NOL4: variants seen among roughly 807,000 people sequenced by gnomAD.
NOL4 encodes the protein nucleolar protein 4.
NOL4 carries 17 observed loss-of-function variants against 75.9 expected under a neutral mutation model. That is an observed-to-expected ratio of 0.22 (90% confidence interval 0.15 to 0.34). The LOEUF (loss-of-function observed/expected upper bound fraction) is 0.34. NOL4 is among the 10% of genes least tolerant of loss of function. The pLI, the probability that NOL4 is intolerant of heterozygous loss-of-function variation, is 1.00. For synonymous variants in NOL4, 292 were observed against 289.9 expected, an observed-to-expected ratio of 1.01 and a Z score of -0.07; for missense variants, 614 against 793.5, an observed-to-expected ratio of 0.77 and a Z score of 2.72.
intron 5 of NOL4, among the ~76,000 whole-genome samples, chr18:34,046,620 A>G (rs1237071514): frequency 7.5e-6 from 1 of 133,678 alleles, no homozygotes; most frequent in African/African-American, 2.7e-5. Context: ...ATATATATAT[A>G]TATATATATA....
intron 1 of NOL4, among the ~76,000 whole-genome samples, chr18:34,211,446 A>G (rs1409533276): frequency 7.2e-5 from 11 of 152,322 alleles, no homozygotes; most frequent in East Asian, 1.9e-4. Context: ...TCAATTGGGT[A>G]GAGCATGGCG....
chr18:33,859,476 GT>G (rs542716654), intron 10 of NOL4, among the ~76,000 whole-genome samples: 1 of 151,852 alleles, frequency 6.6e-6, no homozygotes, highest in African/African-American at 2.4e-5. Flanking sequence ...TTTTTTGTTT[GT>G]TTTTTGTTTT....
chr18:34,118,686 A>C (rs1292472675), intron 2 of NOL4, among the ~76,000 whole-genome samples: 1 of 152,202 alleles, frequency 6.6e-6, no homozygotes, highest in Admixed American at 6.5e-5. Flanking sequence ...GCCCAAGTGG[A>C]ATATAATGTG....
intron 9 of NOL4, among the ~76,000 whole-genome samples, chr18:33,914,618 T>G (rs984402191): frequency 6.6e-6 from 1 of 152,016 alleles, no homozygotes; most frequent in South Asian, 2.1e-4. Context: ...GATGGTGAGT[T>G]GGAAAAGGAC....
At chr18:34,138,542 T>C (rs1003901923) in intron 1 of NOL4, among the ~76,000 whole-genome samples, 1 of 152,150 alleles carries the variant, frequency 6.6e-6, no homozygotes, top group Non-Finnish European at 1.5e-5. Context: ...AGGATGGTGG[T>C]TCTACAACGT....
intron 5 of NOL4, among the ~76,000 whole-genome samples, chr18:34,059,378 C>T (rs1283377330): frequency 6.6e-6 from 1 of 151,946 alleles, no homozygotes; most frequent in African/African-American, 2.4e-5. Flanking sequence ...ATGCCATGTC[C>T]TGTATATGTC....
At position 33,888,006 on chromosome 18, in the gene NOL4, C is replaced by T. The variant is rs536326788; in HGVS notation, c.1543-4582G>A. ...TGAGGAATCGCCACACTGTCTTCCA[C>T]AATGGTTGAACTAGTTTACAGTCCC... On this transcript the variant is annotated intron_variant, in intron 9 of 10. Coordinates refer to ENST00000261592, the MANE Select transcript of NOL4 (RefSeq NM_003787.5). Among the ~76,000 whole-genome samples the T allele has an allele frequency of 2.6e-5, 4 of 152,292 alleles. No homozygotes were observed. In the South Asian group the frequency reaches 6.2e-4, roughly 24 times the overall value.
chr18:34,020,849 A>G (rs919999873), intron 5 of NOL4, among the ~76,000 whole-genome samples: 2 of 152,202 alleles, frequency 1.3e-5, no homozygotes, highest in Non-Finnish European at 2.9e-5. Context: ...ACTGATTTTT[A>G]AAAATTATGA....
chr18:33,911,374 C>G (rs2066392091), intron 9 of NOL4, among the ~76,000 whole-genome samples: 1 of 152,030 alleles, frequency 6.6e-6, no homozygotes, highest in African/African-American at 2.4e-5. Context: ...CTCTCATTAG[C>G]CAGATGCTCA....
At chr18:34,120,706 T>C (rs1487309982) in intron 2 of NOL4, among the ~76,000 whole-genome samples, 1 of 151,932 alleles carries the variant, frequency 6.6e-6, no homozygotes, top group Non-Finnish European at 1.5e-5. Flanking sequence ...GCTACAGAGG[T>C]AGGAAGTCAG....
chr18:33,853,050 A>AT lies in NOL4; in HGVS notation c.1724-16dup. 1 of 1,576,550 alleles carries AT rather than the reference A, an allele frequency of 6.3e-7. No homozygotes were observed. The highest frequency in any genetic ancestry group is 8.6e-7 in the Non-Finnish European group (1 of 1,161,342). On this transcript the variant is annotated splice_polypyrimidine_tract_variant and intron_variant, in intron 10 of 10. Transcript: ENST00000261592. ...ATCAGTGGGTCCTAGAAAGAAAATC[A>AT]TCACAAAATTAGACATAAATATTAT...
chr18:33,965,332 A>G (rs1019131704), intron 6 of NOL4, among the ~76,000 whole-genome samples: 1 of 152,078 alleles, frequency 6.6e-6, no homozygotes, highest in African/African-American at 2.4e-5. Flanking sequence ...AAACCAACCA[A>G]AAACCAAAAA....
At chr18:34,097,485 G>A (rs1035781164) in intron 4 of NOL4, among the ~76,000 whole-genome samples, 5 of 152,100 alleles carry the variant, frequency 3.3e-5, no homozygotes, top group Non-Finnish European at 5.9e-5. Context: ...CTGGCTATCT[G>A]CCCAGTCCAG....
rs371981909 is a variant in NOL4, at chr18:34,023,483, T to C, written c.773-3882A>G. The C allele has an allele frequency of 8.1e-5, 37 of 456,204 alleles. No individual in the cohort carries two copies. In the Middle Eastern group the frequency reaches 9.8e-4, roughly 12 times the overall value. The allele number at this position is 456,204 out of a possible 1,614,324, so 28.3% of individuals were successfully genotyped here. On this transcript the variant is annotated intron_variant, in intron 5 of 10. Transcript: ENST00000261592. Reference sequence around the variant, plus strand: ...TCCTGAGTAGCTGCTACACAGAAGGTGCAGTATTTAGGTCTGTGGGTATGG... The same window carrying C: ...TCCTGAGTAGCTGCTACACAGAAGGCGCAGTATTTAGGTCTGTGGGTATGG...
rs142139223 is a variant in NOL4 at position 34,059,465 on chromosome 18, T to A, written c.772+34000A>T. Among the ~76,000 whole-genome samples, 372 of 152,158 alleles carry A rather than the reference T, an allele frequency of 2.4e-3. 4 individuals are homozygous for A. The highest frequency in any genetic ancestry group is 7.6e-3 in the African/African-American group (317 of 41,506). On this transcript the variant is annotated intron_variant, in intron 5 of 10. Coordinates refer to ENST00000261592, the MANE Select transcript of NOL4 (RefSeq NM_003787.5). Reference sequence around the variant, plus strand: ...CTGATTTTTTTTCTTAATGTCTAGCTCAGCATCCTTTTGCTCTTGGAAGCC... The same window carrying A: ...CTGATTTTTTTTCTTAATGTCTAGCACAGCATCCTTTTGCTCTTGGAAGCC...
chr18:34,141,268 T>G lies in NOL4; in HGVS notation c.265-11248A>C, dbSNP rs535182745. 2.0e-5 allele frequency among the ~76,000 whole-genome samples: 3 copies of G among 152,176 alleles called. No individual in the cohort carries two copies. The East Asian group carries it at 5.8e-4, about 29-fold the overall frequency. ...AAATGGCCATACTGCCCAAGGTAAT[T>G]TATAGATTCAATGCCATCCCCATCA... On this transcript the variant is annotated intron_variant, in intron 1 of 10. Coordinates refer to ENST00000261592, the MANE Select transcript of NOL4 (RefSeq NM_003787.5).
intron 1 of NOL4, among the ~76,000 whole-genome samples, chr18:34,184,070 T>C (rs1385017405): frequency 6.6e-6 from 1 of 151,550 alleles, no homozygotes; most frequent in Non-Finnish European, 1.5e-5. Context: ...ATGAACCCCA[T>C]CCCAAAGCAT....
chr18:33,996,676 T>C (rs866702671), intron 6 of NOL4, among the ~76,000 whole-genome samples: 1 of 151,884 alleles, frequency 6.6e-6, no homozygotes, highest in African/African-American at 2.4e-5. Context: ...CTTCTGTTTT[T>C]GTATTAATTT....
intron 1 of NOL4, among the ~76,000 whole-genome samples, chr18:34,174,346 T>G (rs779802721): frequency 1.6e-4 from 25 of 152,186 alleles, no homozygotes; most frequent in Non-Finnish European, 3.2e-4. Context: ...CAAAATCAAC[T>G]TTTCAAAAAC....
Sources: gnomAD v4.1 joint callset for allele counts (sites outside exome capture counted in the v4.1 genomes callset) on GRCh38, gnomAD v4.1.1 for gene constraint, MANE v1.5 for transcripts, NCBI Gene and HGNC (gene_info 2026-07-23, HGNC 2026-07-21) for gene names.